TMX4: variants seen among roughly 807,000 people sequenced by gnomAD.
TMX4 encodes thioredoxin related transmembrane protein 4.
In TMX4, 23 loss-of-function variants were observed where a neutral mutation model predicts 33.3. That is an observed-to-expected ratio of 0.69 (90% CI 0.50 to 0.98). The LOEUF is 0.98. TMX4 is among the 50% of genes least tolerant of loss of function. The pLI, the probability that TMX4 is intolerant of heterozygous loss-of-function variation, is 0.00. For synonymous variants in TMX4, 164 were observed against 161.5 expected, an observed-to-expected ratio of 1.02 and a Z score of -0.12; for missense variants, 399 against 448.9, an observed-to-expected ratio of 0.89 and a Z score of 1.01.
chr20:7,977,666 G>C lies in TMX4; in HGVS notation c.*4585C>G, dbSNP rs542792000. 55 of 152,144 alleles carry C rather than the reference G, an allele frequency of 3.6e-4. No homozygotes were observed. Among genetic ancestry groups the C allele is most frequent in the Non-Finnish European group, 6.5e-4 (44 of 68,030 alleles). 9.4% of individuals were successfully genotyped at this position (152,144 alleles called of 1,614,324 possible). On this transcript the variant is annotated 3_prime_UTR_variant, in exon 8 of 8. Transcript: ENST00000246024. Reference sequence around the variant, plus strand: ...AGAATACAGAAAGAAAAATAATTAGGTTCATTAGGCTAAGACTAATACCAG... The same window carrying C: ...AGAATACAGAAAGAAAAATAATTAGCTTCATTAGGCTAAGACTAATACCAG...
At chr20:8,012,078 G>A (rs2122880190) in intron 1 of TMX4, among the ~76,000 whole-genome samples, 1 of 152,218 alleles carries the variant, frequency 6.6e-6, no homozygotes, top group Admixed American at 6.5e-5. Context: ...GTTAACAGAT[G>A]AGACTCAGGC....
intron 5 of TMX4, among the ~76,000 whole-genome samples, chr20:7,990,005 A>G (rs369338329): frequency 1.1e-4 from 17 of 152,182 alleles, no homozygotes; most frequent in Non-Finnish European, 2.2e-4. Flanking sequence ...ATAAGAAAGT[A>G]TCTTACTCGG....
intron 3 of TMX4, among the ~76,000 whole-genome samples, chr20:8,000,392 G>A (rs1200088666): frequency 2.0e-5 from 3 of 152,040 alleles, no homozygotes; most frequent in African/African-American, 7.2e-5. Context: ...GGTGCAACTG[G>A]GGGTTCTGCT....
intron 5 of TMX4, among the ~76,000 whole-genome samples, chr20:7,994,047 CA>C (rs2050666105): frequency 6.6e-6 from 1 of 151,784 alleles, no homozygotes; most frequent in Non-Finnish European, 1.5e-5. Context: ...AAAGAAAACA[CA>C]TGGTATTAAT....
intron 1 of TMX4, among the ~76,000 whole-genome samples, chr20:8,012,769 C>T (rs1351908904): frequency 2.6e-5 from 4 of 152,094 alleles, no homozygotes; most frequent in Non-Finnish European, 5.9e-5. Flanking sequence ...GTGAAACTGA[C>T]CTTCAGATAT....
intron 5 of TMX4, among the ~76,000 whole-genome samples, chr20:7,994,237 T>C (rs1174811306): frequency 6.6e-6 from 1 of 152,150 alleles, no homozygotes; most frequent in Non-Finnish European, 1.5e-5. Flanking sequence ...ATATAACATA[T>C]ATATTCTACT....
chr20:7,984,525 A>C (rs1208034142), intron 6 of TMX4, among the ~76,000 whole-genome samples: 1 of 152,160 alleles, frequency 6.6e-6, no homozygotes, highest in Admixed American at 6.5e-5. Context: ...AGAAAAAAAA[A>C]CATTCCATCT....
chr20:7,987,960 G>A (rs2050637845), intron 5 of TMX4, among the ~76,000 whole-genome samples: 1 of 152,138 alleles, frequency 6.6e-6, no homozygotes, highest in Admixed American at 6.5e-5. Context: ...TGAGATTCCA[G>A]CAGTCTTTGA....
At chr20:8,006,181 A>G (rs2050729538) in intron 2 of TMX4, among the ~76,000 whole-genome samples, 1 of 152,166 alleles carries the variant, frequency 6.6e-6, no homozygotes, top group Non-Finnish European at 1.5e-5. Context: ...AGGTTTGAGC[A>G]GCGGGCACAA....
intron 2 of TMX4, among the ~76,000 whole-genome samples, chr20:8,003,272 A>G (rs2050714807): frequency 6.6e-6 from 1 of 152,218 alleles, no homozygotes; most frequent in African/African-American, 2.4e-5. Context: ...GGTATTAAGA[A>G]TGTATATTTC....
intron 2 of TMX4, among the ~76,000 whole-genome samples, chr20:8,007,086 A>G (rs191999876): frequency 4.7e-4 from 72 of 152,252 alleles, no homozygotes; most frequent in African/African-American, 1.5e-3. Context: ...TTTTTTCTAA[A>G]TGTTGCAGTG....
chr20:8,009,626 T>C (rs2050744071), intron 2 of TMX4, among the ~76,000 whole-genome samples: 1 of 152,104 alleles, frequency 6.6e-6, no homozygotes, highest in Admixed American at 6.5e-5. Context: ...CATAAATGTC[T>C]AAGCTAAATC....
intron 6 of TMX4, among the ~76,000 whole-genome samples, chr20:7,985,766 G>C (rs982544158): frequency 6.6e-6 from 1 of 152,012 alleles, no homozygotes; most frequent in Admixed American, 6.6e-5. Context: ...TTAATCACTT[G>C]AACAGGCTAG....
At chr20:8,019,246 C>T (rs970465547) in intron 1 of TMX4, 192 bp downstream of exon 1, 3 of 655,632 alleles carry the variant, frequency 4.6e-6, no homozygotes, top group East Asian at 7.0e-5. Context: ...GTCCGCGGAC[C>T]CCAGGTCGAG....
chr20:7,987,270 T>A lies in TMX4; in HGVS notation c.615+18A>T. On this transcript the variant is annotated intron_variant, in intron 6 of 7. Coordinates refer to ENST00000246024, the MANE Select transcript of TMX4 (RefSeq NM_021156.4). ...CATTTTGCCTTAAAGATAGAAAAAG[T>A]TTGGTATTATCTCTTACCAGACCCA... 2 of 1,492,854 alleles carry A rather than the reference T, an allele frequency of 1.3e-6. No individual in the cohort carries two copies. Among genetic ancestry groups the A allele is most frequent in the Non-Finnish European group, 1.8e-6 (2 of 1,102,918 alleles). The allele number at this position is 1,492,854 out of a possible 1,614,324, so 92.5% of individuals were successfully genotyped here.
At position 8,005,985 on chromosome 20, in the gene TMX4, C is replaced by A. The variant is rs2050728249; in HGVS notation, c.292+4215G>T. On this transcript the variant is annotated intron_variant, in intron 2 of 7. Coordinates refer to ENST00000246024, the MANE Select transcript of TMX4 (RefSeq NM_021156.4). ...TTCTGGTACACCAAGGCAAGAAGCC[C>A]TCTGTCCCTGTGATAAGGCAGGGGG... Among the ~76,000 whole-genome samples, 6 of 150,586 alleles carry A rather than the reference C, an allele frequency of 4.0e-5. No individual in the cohort carries two copies. In the South Asian group the frequency reaches 1.3e-3, roughly 32 times the overall value.
chr20:8,015,844 A>G (rs963992335), intron 1 of TMX4, among the ~76,000 whole-genome samples: 2 of 152,228 alleles, frequency 1.3e-5, no homozygotes, highest in Non-Finnish European at 2.9e-5. Flanking sequence ...AAACATGATC[A>G]TTCCAAAAAC....
rs182944306 is a variant in TMX4 at position 8,012,440 on chromosome 20, A to G, written c.177-2125T>C. On this transcript the variant is annotated intron_variant, in intron 1 of 7. Transcript: ENST00000246024. ...ATCTGACCTTACAGCCTCACTGCCA[A>G]ACAGACAAAGCAGGTATAGAGATGT... Among the ~76,000 whole-genome samples, 6 of 152,224 alleles carry G rather than the reference A, an allele frequency of 3.9e-5. No homozygotes were observed. In the East Asian group the frequency reaches 1.2e-3, roughly 29 times the overall value.
intron 1 of TMX4, among the ~76,000 whole-genome samples, chr20:8,012,404 T>C (rs1434908100): frequency 6.6e-6 from 1 of 152,158 alleles, no homozygotes; most frequent in African/African-American, 2.4e-5. Flanking sequence ...ACTTTTACGA[T>C]GCATTAGCTC....
Sources: gnomAD v4.1 joint callset for allele counts (sites outside exome capture counted in the v4.1 genomes callset) on GRCh38, gnomAD v4.1.1 for gene constraint, MANE v1.5 for transcripts, NCBI Gene and HGNC (gene_info 2026-07-23, HGNC 2026-07-21) for gene names.